PCDHA3: variants seen among roughly 807,000 people sequenced by gnomAD.
The protein encoded by PCDHA3 is protocadherin alpha-3.
In PCDHA3, 41 loss-of-function variants were observed where a neutral mutation model predicts 62.2. The observed-to-expected ratio is 0.66, with a 90% confidence interval of 0.51 to 0.86. The LOEUF (loss-of-function observed/expected upper bound fraction) is 0.86, where lower values mean the gene tolerates loss of function less well. PCDHA3 is among the 40% of genes least tolerant of loss of function. PCDHA3 has a pLI of 0.00. For missense variants in PCDHA3, 1,304 were observed against 1,241.2 expected (o/e 1.05, Z -0.76); for synonymous variants, 640 against 555.4 (o/e 1.15, Z -2.14).
At chr5:141,006,951 T>TA (rs1428990680) in intron 3 of PCDHA3, among the ~76,000 whole-genome samples, 1 of 152,164 alleles carries the variant, frequency 6.6e-6, no homozygotes, top group Non-Finnish European at 1.5e-5. Context: ...GATAGGCAGT[T>TA]ATACATGAGA....
chr5:140,994,142 G>C (rs550428204), intron 3 of PCDHA3, among the ~76,000 whole-genome samples: 8 of 152,180 alleles, frequency 5.3e-5, no homozygotes, highest in Admixed American at 4.6e-4. Context: ...AATGCCCTAC[G>C]TAGGTAGGGT....
At chr5:140,972,754 CCCAAG>C (rs1290105832) in intron 1 of PCDHA3, among the ~76,000 whole-genome samples, 1 of 151,316 alleles carries the variant, frequency 6.6e-6, no homozygotes, top group African/African-American at 2.4e-5. Context: ...ACCTCCGCCT[CCCAAG>C]TTAAAGTGAT....
chr5:140,837,818 A>C (rs1775271725), intron 1 of PCDHA3, among the ~76,000 whole-genome samples: 1 of 151,624 alleles, frequency 6.6e-6, no homozygotes, highest in Admixed American at 6.6e-5. Flanking sequence ...CTGGGAATAC[A>C]GTTTGCATGT....
At chr5:140,817,205 GC>G (rs1245183463) in intron 1 of PCDHA3, 1 of 152,298 alleles carries the variant, frequency 6.6e-6, no homozygotes, top group Non-Finnish European at 1.5e-5. Context: ...CTGAATGCAT[GC>G]TTTACTTTCT....
At chr5:140,954,036 T>G (rs527853766) in intron 1 of PCDHA3, among the ~76,000 whole-genome samples, 170 of 152,342 alleles carry the variant, frequency 1.1e-3, no homozygotes, top group African/African-American at 3.9e-3. Context: ...GATGTGGTAT[T>G]TGGTTTTCTG....
chr5:140,829,268 G>A (rs1194699670), intron 1 of PCDHA3: 17 of 1,614,092 alleles, frequency 1.1e-5, no homozygotes, highest in Non-Finnish European at 1.2e-5. Flanking sequence ...GACGCCTCAC[G>A]TCCCTTTCAA....
intron 1 of PCDHA3, among the ~76,000 whole-genome samples, chr5:140,838,783 A>G (rs1398229562): frequency 6.6e-6 from 1 of 152,002 alleles, no homozygotes; most frequent in Middle Eastern, 3.2e-3. Context: ...TTAGCTATGC[A>G]TGGTGATGCA....
intron 1 of PCDHA3, chr5:140,805,307 C>T: frequency 7.9e-7 from 1 of 1,273,368 alleles, no homozygotes; most frequent in Non-Finnish European, 9.9e-7. Flanking sequence ...AATTCTTCCT[C>T]CTTTTTTCCA....
chr5:140,911,729 C>G (rs571299791), intron 1 of PCDHA3, among the ~76,000 whole-genome samples: 1 of 152,134 alleles, frequency 6.6e-6, no homozygotes, highest in Non-Finnish European at 1.5e-5. Flanking sequence ...GTAAACAGTT[C>G]GTGCCAAGGA....
chr5:141,009,992 C>G lies in PCDHA3; in HGVS notation c.*55C>G. 1 of 1,578,492 alleles carries G rather than the reference C, an allele frequency of 6.3e-7. No homozygotes were observed. On this transcript the variant is annotated 3_prime_UTR_variant, in exon 4 of 4. Transcript: ENST00000522353. ...CAGTTTTTGTAATAATGGCAAATCT[C>G]TCCCATGTAGCAATTCCCTGCTCCT...
At chr5:140,965,109 C>T (rs940351305) in intron 1 of PCDHA3, among the ~76,000 whole-genome samples, 3 of 152,168 alleles carry the variant, frequency 2.0e-5, no homozygotes, top group African/African-American at 7.2e-5. Context: ...GAAAATGACC[C>T]ATAGAGGAAG....
chr5:140,960,402 G>C (rs2095546836), intron 1 of PCDHA3, among the ~76,000 whole-genome samples: 1 of 152,026 alleles, frequency 6.6e-6, no homozygotes, highest in African/African-American at 2.4e-5. Flanking sequence ...GCAAGGGGGG[G>C]TGCCCAAAAA....
chr5:140,842,799 C>A, intron 1 of PCDHA3: 1 of 1,594,426 alleles, frequency 6.3e-7, no homozygotes, highest in Non-Finnish European at 8.6e-7. Flanking sequence ...GTGTCCTACT[C>A]GCTTGTGGAG....
At chr5:140,909,472 G>A (rs2074524054) in intron 1 of PCDHA3, among the ~76,000 whole-genome samples, 1 of 152,168 alleles carries the variant, frequency 6.6e-6, no homozygotes, top group South Asian at 2.1e-4. Context: ...CTTCTTCACA[G>A]GCTAAATAGG....
rs181377286 is a variant in PCDHA3 at position 140,886,682 on chromosome 5, G to C, written c.2394+83091G>C. Among the ~76,000 whole-genome samples, 463 of 151,736 alleles carry C rather than the reference G, an allele frequency of 3.1e-3. 3 individuals carry two copies. Among genetic ancestry groups the C allele is most frequent in the Middle Eastern group, 0.014 (4 of 294 alleles). The stretch of plus-strand genomic sequence containing the variant: ...CTCTACTAAAAATACAAAAATTAGC[G>C]AGGCATGGTGGCACGCGCCTGTAAT... On this transcript the variant is annotated intron_variant, in intron 1 of 3. Coordinates refer to ENST00000522353, the MANE Select transcript of PCDHA3 (RefSeq NM_018906.3).
chr5:140,851,254 A>G (rs2150271165), intron 1 of PCDHA3: 1 of 1,091,684 alleles, frequency 9.2e-7, no homozygotes, highest in East Asian at 4.0e-5. Context: ...GATGCATAGT[A>G]TTTTAGTCTA....
chr5:140,830,006 G>C, intron 1 of PCDHA3: 1 of 1,613,960 alleles, frequency 6.2e-7, no homozygotes, highest in Non-Finnish European at 8.5e-7. Context: ...TGTCCTGGAC[G>C]AAGCGGACTC....
intron 3 of PCDHA3, among the ~76,000 whole-genome samples, chr5:141,000,361 G>GTCTCTC (rs148596731): frequency 3.0e-3 from 79 of 26,442 alleles, no homozygotes; most frequent in East Asian, 6.3e-3. Flanking sequence ...GTCTCTCTCT[G>GTCTCTC]TCTCTCTCTC....
chr5:140,835,529 C>T (rs2150237591), intron 1 of PCDHA3: 1 of 1,613,966 alleles, frequency 6.2e-7, no homozygotes, highest in East Asian at 2.2e-5. Context: ...TTGGAGTCAA[C>T]GGACAGGTTA....
Sources: allele counts gnomAD v4.1 joint callset (sites outside exome capture counted in the v4.1 genomes callset), GRCh38; gene constraint gnomAD v4.1.1; transcripts MANE v1.5; gene names NCBI Gene and HGNC (gene_info 2026-07-23, HGNC 2026-07-21).